ZSWIM8: variants seen among roughly 807,000 people sequenced by gnomAD.
ZSWIM8 encodes the protein zinc finger SWIM domain-containing protein 8.
A neutral mutation model predicts 173.7 loss-of-function variants in ZSWIM8; 27 were observed. That is an observed-to-expected ratio of 0.16 (90% CI 0.11 to 0.21). The LOEUF (loss-of-function observed/expected upper bound fraction) is 0.21, where lower values mean the gene tolerates loss of function less well. Ranked by LOEUF, ZSWIM8 falls within the 10% of genes least tolerant of loss-of-function variation. The probability of loss-of-function intolerance (pLI) is 1.00; values close to 1 mark genes in which losing one functional copy is unlikely to be tolerated. For synonymous variants in ZSWIM8, 958 were observed against 962.0 expected (o/e 1.00, Z 0.08); for missense variants, 1,627 against 2,428.8 (o/e 0.67, Z 6.94).
At position 73,791,801 on chromosome 10, in the gene ZSWIM8, T is replaced by C; in HGVS notation, c.1320-58T>C. ...GCCTCTCTTTGGGGTGTACACCTAC[T>C]CCATGCCCATCCTTTCCCAGTAGCC... On this transcript the variant is annotated intron_variant, in intron 9 of 25. Coordinates refer to ENST00000604729, the MANE Select transcript of ZSWIM8 (RefSeq NM_001367799.1). The surrounding 1 kb of genome is among the most constrained non-coding windows in gnomAD (Gnocchi z 6.0). The C allele has an allele frequency of 6.8e-7, 1 of 1,467,062 alleles. No homozygotes were observed. The highest frequency in any genetic ancestry group is 9.1e-7 in the Non-Finnish European group (1 of 1,101,824). The allele number at this position is 1,467,062 out of a possible 1,614,324, so 90.9% of individuals were successfully genotyped here.
chr10:73,796,425 C>A (rs1369267693), intron 15 of ZSWIM8: 1 of 411,646 alleles, frequency 2.4e-6, no homozygotes, highest in Non-Finnish European at 4.6e-6. Flanking sequence ...ATCTTGGGGA[C>A]ATCTCATAAA....
chr10:73,798,777 T>G (rs1224436685), intron 20 of ZSWIM8, among the ~76,000 whole-genome samples: 2 of 152,208 alleles, frequency 1.3e-5, no homozygotes, highest in Non-Finnish European at 2.9e-5. Flanking sequence ...GCTGTTAAAT[T>G]AGTTTGGAAC....
chr10:73,787,092 T>G (rs1204575690), intron 1 of ZSWIM8, among the ~76,000 whole-genome samples: 1 of 152,122 alleles, frequency 6.6e-6, no homozygotes, highest in Admixed American at 6.5e-5. Context: ...TACAGGCATG[T>G]GTCACCATGC....
Position 73,800,566 on chromosome 10 carries a change from G to C in ZSWIM8, c.5003-74G>C. On this transcript the variant is annotated intron_variant, in intron 23 of 25. Coordinates refer to ENST00000604729, the MANE Select transcript of ZSWIM8 (RefSeq NM_001367799.1). This position sits in a 1 kb window ranked among gnomAD's most constrained non-coding sequence, Gnocchi z 4.1. ...CTAGCTCTTCATTTGTTTACTGTGG[G>C]GTCAGGTGACAGGTTGGGGTAAAGG... 6.2e-7 allele frequency: 1 copy of C among 1,602,494 alleles called. No individual in the cohort carries two copies. The highest frequency in any genetic ancestry group is 8.5e-7 in the Non-Finnish European group (1 of 1,173,122).
rs753494565 is a variant in ZSWIM8, at chr10:73,793,921, G to A, written c.2502G>A (p.Leu834=). 1 of 1,613,402 alleles carries A rather than the reference G, an allele frequency of 6.2e-7. No individual in the cohort carries two copies. Residue 834 remains leucine (L), a synonymous_variant, in exon 12 of 26, where the codon CTG becomes CTA. Transcript: ENST00000604729. ...SRQTWVATNT[L]SKAAFLLTVL... ...AGACCTGGGTGGCTACCAACACCCT[G>A]AGCAAGGCGGCCTTCCTGTTGACAG...
At position 73,791,819 on chromosome 10, in the gene ZSWIM8, C is replaced by T. The variant is rs375771058; in HGVS notation, c.1320-40C>T. 8.8e-5 allele frequency: 130 copies of T among 1,475,150 alleles called. 1 individual carries two copies. In the African/African-American group the frequency reaches 1.7e-3, roughly 19 times the overall value. 91.4% of individuals were successfully genotyped at this position (1,475,150 alleles called of 1,614,324 possible). On this transcript the variant is annotated intron_variant, in intron 9 of 25. Coordinates refer to ENST00000604729, the MANE Select transcript of ZSWIM8 (RefSeq NM_001367799.1). This position sits in a 1 kb window ranked among gnomAD's most constrained non-coding sequence, Gnocchi z 6.0. Reference sequence around the variant, plus strand: ...CACCTACTCCATGCCCATCCTTTCCCAGTAGCCCCTCAGCAGCCTCCTGCC... The same window carrying T: ...CACCTACTCCATGCCCATCCTTTCCTAGTAGCCCCTCAGCAGCCTCCTGCC...
In ZSWIM8 at chr10:73,786,337, T is replaced by G. The variant is rs146677406; in HGVS notation, c.208+251T>G. On this transcript the variant is annotated intron_variant, in intron 1 of 25. Coordinates refer to ENST00000604729, the MANE Select transcript of ZSWIM8 (RefSeq NM_001367799.1). ...ACCTGTGTGTGTGTGGGTGTGTGTG[T>G]GTGTGTGTGCGCGCGCGCGCGTGCG... 1.2e-3 allele frequency: 489 copies of G among 416,150 alleles called. 7 individuals are homozygous for G. In the South Asian group the frequency reaches 0.032, roughly 27 times the overall value. 25.8% of individuals were successfully genotyped at this position (416,150 alleles called of 1,614,324 possible).
intron 20 of ZSWIM8, 88 bp downstream of exon 20, chr10:73,798,541 T>C: frequency 8.2e-7 from 1 of 1,213,126 alleles, no homozygotes; most frequent in Non-Finnish European, 1.1e-6. Flanking sequence ...AGCTCTTGAT[T>C]CCCGTATCCT....
rs1251104967 is a variant in ZSWIM8, at chr10:73,800,828, C to T, written c.5122+69C>T. 7 of 1,259,026 alleles carry T rather than the reference C, an allele frequency of 5.6e-6. No individual in the cohort carries two copies. In the East Asian group the frequency reaches 1.4e-4, roughly 26 times the overall value. 78.0% of individuals were successfully genotyped at this position (1,259,026 alleles called of 1,614,324 possible). ...CTCTCCCCACCTTCCTTATCCCAGA[C>T]CTCCTTCCTAGCTCTTGCTCAGAGT... is the stretch of plus-strand genomic sequence containing the variant. On this transcript the variant is annotated intron_variant, in intron 24 of 25. Transcript: ENST00000604729. The surrounding 1 kb of genome is among the most constrained non-coding windows in gnomAD (Gnocchi z 4.1).
rs368223337 is a variant in ZSWIM8, at chr10:73,791,530, T to C, written c.1319+31T>C. ...TCTCCCCTGAGGCTCACCACAGAAC[T>C]GAGCCTGGGCCAGCTCAGGACAGAC... On this transcript the variant is annotated intron_variant, in intron 9 of 25. Coordinates refer to ENST00000604729, the MANE Select transcript of ZSWIM8 (RefSeq NM_001367799.1). This position sits in a 1 kb window ranked among gnomAD's most constrained non-coding sequence, Gnocchi z 6.0. The C allele has an allele frequency of 8.8e-5, 137 of 1,559,466 alleles. No individual in the cohort carries two copies. The highest frequency in any genetic ancestry group is 1.4e-4 in the East Asian group (6 of 43,180).
chr10:73,792,573 G>T lies in ZSWIM8; in HGVS notation c.2034G>T (p.Gly678=). The T allele has an allele frequency of 6.2e-7, 1 of 1,614,016 alleles. No homozygotes were observed. The highest frequency in any genetic ancestry group is 1.3e-5 in the African/African-American group (1 of 75,058). Residue 678 remains glycine (G), a synonymous_variant, in exon 10 of 26, where the codon GGG becomes GGT. Coordinates refer to ENST00000604729, the MANE Select transcript of ZSWIM8 (RefSeq NM_001367799.1). This position sits in a 1 kb window ranked among gnomAD's most constrained non-coding sequence, Gnocchi z 4.3. ...EEDGGVYFSE[G]PEPPTASVGP... ...ATGGTGGTGTGTACTTCTCGGAAGG[G>T]CCTGAGCCTCCCACAGCCTCTGTTG...
chr10:73,798,560 C>T, intron 20 of ZSWIM8, 107 bp downstream of exon 20: 2 of 1,048,756 alleles, frequency 1.9e-6, no homozygotes, highest in Admixed American at 2.6e-5. Context: ...CTGGAGTTTA[C>T]AGATGATTGT....
chr10:73,798,099 G>A, intron 19 of ZSWIM8, 29 bp downstream of exon 19: 2 of 1,608,584 alleles, frequency 1.2e-6, no homozygotes, highest in Non-Finnish European at 1.7e-6. Flanking sequence ...CTTGGGTATG[G>A]GAGGGGGATT....
rs909886399 is a variant in ZSWIM8, at chr10:73,791,263, G to A, written c.1144-61G>A. On this transcript the variant is annotated intron_variant, in intron 8 of 25. Transcript: ENST00000604729. The surrounding 1 kb of genome is among the most constrained non-coding windows in gnomAD (Gnocchi z 6.0). ...CTCCTCTTGCTGAAATGGACTCTGG[G>A]AGGGCTACTCTGCCTTTCTCTGAGC... 9.5e-6 allele frequency: 15 copies of A among 1,575,450 alleles called. No homozygotes were observed. The highest frequency in any genetic ancestry group is 6.8e-5 in the East Asian group (3 of 44,284).
rs1554975281 is a variant in ZSWIM8 at position 73,796,707 on chromosome 10, A to G, written c.3034-67A>G. The G allele has an allele frequency of 8.2e-6, 13 of 1,585,272 alleles. No homozygotes were observed. In the South Asian group the frequency reaches 1.1e-4, roughly 14 times the overall value. On this transcript the variant is annotated intron_variant, in intron 15 of 25. Transcript: ENST00000604729. ...GCTGTTTCAAGGAGAAAGGAAGGTAATAGAAGTCAGGAGCTAAAGGGCATC... is the reference window on the plus strand; with the variant it reads ...GCTGTTTCAAGGAGAAAGGAAGGTAGTAGAAGTCAGGAGCTAAAGGGCATC...
Position 73,792,842 on chromosome 10 carries a change from G to A in ZSWIM8, c.2303G>A (p.Ser768Asn). Residue 768 changes from serine (S) to asparagine (N), a missense_variant, in exon 10 of 26, where the codon AGT becomes AAT. Coordinates refer to ENST00000604729, the MANE Select transcript of ZSWIM8 (RefSeq NM_001367799.1). The surrounding 1 kb of genome is among the most constrained non-coding windows in gnomAD (Gnocchi z 4.3). ...GGGCTGAAGCCACTGGAACAGGAGAGTCGCATGGAGGTGAGGGGATGGAAG... is the reference window on the plus strand; with the variant it reads ...GGGCTGAAGCCACTGGAACAGGAGAATCGCATGGAGGTGAGGGGATGGAAG... ...FAGLKPLEQE[S>N]RMEVLFACAE... The A allele has an allele frequency of 1.9e-6, 3 of 1,565,580 alleles. No homozygotes were observed. Among genetic ancestry groups the A allele is most frequent in the South Asian group, 2.3e-5 (2 of 85,956 alleles).
At position 73,789,614 on chromosome 10, in the gene ZSWIM8, A is replaced by G. The variant is rs2083344570; in HGVS notation, c.630+75A>G. 5.1e-6 allele frequency: 8 copies of G among 1,563,536 alleles called. No individual in the cohort carries two copies. The highest frequency in any genetic ancestry group is 2.3e-5 in the East Asian group (1 of 42,784). On this transcript the variant is annotated intron_variant, in intron 4 of 25. Transcript: ENST00000604729. This position sits in a 1 kb window ranked among gnomAD's most constrained non-coding sequence, Gnocchi z 6.8. ...CTTCTCTGCTGCATGCCTGGCTACA[A>G]TGTGAGCCCCCTCGCCTCGCCTACT... is the stretch of plus-strand genomic sequence containing the variant.
intron 20 of ZSWIM8, 102 bp downstream of exon 20, chr10:73,798,555 G>T: frequency 9.4e-7 from 1 of 1,069,346 alleles, no homozygotes. Context: ...GTATCCTGGA[G>T]TTTACAGATG....
Position 73,790,007 on chromosome 10 carries a change from A to G in ZSWIM8, c.790A>G (p.Thr264Ala). Residue 264 changes from threonine (T) to alanine (A), a missense_variant, in exon 6 of 26, where the codon ACA becomes GCA. By Grantham distance (58) the Thr-to-Ala change is moderately conservative. Transcript: ENST00000604729. ...GGACGAACTCCTGTCTTCCCAGTCA[A>G]CAGCCATCAATACAGTGTGTGGAGC... is the stretch of plus-strand genomic sequence containing the variant. Reference protein sequence around the residue: ...LLDELLSSQSTAINTVCGAPD... With the variant: ...LLDELLSSQSAAINTVCGAPD... The G allele has an allele frequency of 1.2e-6, 2 of 1,613,330 alleles. No homozygotes were observed. Among genetic ancestry groups the G allele is most frequent in the Non-Finnish European group, 1.7e-6 (2 of 1,179,672 alleles).
Sources: gnomAD v4.1 joint callset for allele counts (sites outside exome capture counted in the v4.1 genomes callset) on GRCh38, gnomAD v4.1.1 for gene constraint, Gnocchi (gnomAD v3.1) non-coding constraint, MANE v1.5 for transcripts, NCBI Gene and HGNC (gene_info 2026-07-23, HGNC 2026-07-21) for gene names.